The following TIGAR variants were observed in gnomAD, a reference collection of about 807,000 sequenced individuals.
The protein encoded by TIGAR is fructose-2,6-bisphosphatase TIGAR.
TIGAR carries 7 observed loss-of-function variants against 17.9 expected under a neutral mutation model. The observed-to-expected ratio is 0.39, with a 90% CI of 0.22 to 0.73. The LOEUF is 0.73. Among genes scored for constraint, TIGAR ranks in the 30% least tolerant of loss-of-function variants. TIGAR has a pLI of 0.42. For synonymous variants in TIGAR, 94 were observed against 108.6 expected (o/e 0.87, Z 0.84); for missense variants, 258 against 327.4 (o/e 0.79, Z 1.64).
At chr12:4,351,475 C>G in intron 5 of TIGAR, 98 bp downstream of exon 5, 1 of 871,512 alleles carries the variant, frequency 1.1e-6, no homozygotes, top group South Asian at 1.6e-5. Flanking sequence ...TTGGTTCATT[C>G]TCTTTTCCAT....
intron 5 of TIGAR, 152 bp from the exon 6 acceptor site, chr12:4,352,108 T>G (rs2120694677): frequency 3.0e-6 from 2 of 657,670 alleles, no homozygotes; most frequent in East Asian, 5.4e-5. Context: ...AACTACTGAT[T>G]GAACGAATAG....
intron 4 of TIGAR, among the ~76,000 whole-genome samples, chr12:4,350,508 G>A (rs941306779): frequency 6.6e-6 from 1 of 152,142 alleles, no homozygotes; most frequent in Non-Finnish European, 1.5e-5. Flanking sequence ...TGGCGTGGTG[G>A]CTTACGCTTG....
chr12:4,334,336 T>C (rs4026707), intron 2 of TIGAR, among the ~76,000 whole-genome samples: 78,376 of 151,940 alleles, frequency 0.52, 20,542 homozygotes, highest in East Asian at 0.71. Context: ...AGAGATAGAT[T>C]GAGAACACTT....
chr12:4,327,462 T>C (rs974129291), intron 1 of TIGAR, among the ~76,000 whole-genome samples: 12 of 151,712 alleles, frequency 7.9e-5, no homozygotes, highest in African/African-American at 2.7e-4. Context: ...GATAGCCTGA[T>C]TGGATACAGC....
In TIGAR at chr12:4,353,425, C is replaced by T. The variant is rs1390684799; in HGVS notation, c.*734C>T. ...CAAAAAAATGAAGAATATCCACTTG[C>T]TTCTTATCTAACCTGTAGGCTGAAG... On this transcript the variant is annotated 3_prime_UTR_variant, in exon 6 of 6. Transcript: ENST00000179259. The T allele has an allele frequency of 1.3e-5, 2 of 152,248 alleles. No homozygotes were observed. Among genetic ancestry groups the T allele is most frequent in the African/African-American group, 4.8e-5 (2 of 41,456 alleles). The allele number at this position is 152,248 out of a possible 1,614,324, so 9.4% of individuals were successfully genotyped here.
rs375369594 is a variant in TIGAR at position 4,352,358 on chromosome 12, C to G, written c.480C>G (p.Asn160Lys). 15 of 1,614,038 alleles carry G rather than the reference C, an allele frequency of 9.3e-6. No homozygotes were observed. Among genetic ancestry groups the G allele is most frequent in the Non-Finnish European group, 1.3e-5 (15 of 1,180,028 alleles). ...KEQFSQGSPS[N>K]CLETSLAEIF... ...AGTTTTCCCAAGGATCTCCAAGCAA[C>G]TGTCTGGAAACTTCTTTGGCAGAGA... Residue 160 changes from asparagine (N) to lysine (K), a missense_variant, in exon 6 of 6, where the codon AAC (asparagine) becomes AAG (lysine). By Grantham distance (94) the Asn-to-Lys change is moderately conservative. Coordinates refer to ENST00000179259, the MANE Select transcript of TIGAR (RefSeq NM_020375.3).
chr12:4,357,657 G>A lies in TIGAR; in HGVS notation c.*4966G>A, dbSNP rs1276456676. Among the ~76,000 whole-genome samples the A allele has an allele frequency of 1.3e-5, 2 of 152,114 alleles. No homozygotes were observed. The highest frequency in any genetic ancestry group is 2.4e-5 in the African/African-American group (1 of 41,426). ...AAAAACTTTAGGATTTCCCCCCACA[G>A]TTCTCAATCACTTGGTTCATTGTTC... On this transcript the variant is annotated 3_prime_UTR_variant, in exon 6 of 6. Transcript: ENST00000179259.
rs1412230974 is a variant in TIGAR at position 4,337,047 on chromosome 12, G to A, written c.79G>A (p.Val27Ile). The change falls in exon 3 of 6, where the codon GTA becomes ATA. Residue 27 changes from valine (V) to isoleucine (I), a missense_variant. Physicochemically the swap from Val to Ile is conservative, Grantham distance 29. Coordinates refer to ENST00000179259, the MANE Select transcript of TIGAR (RefSeq NM_020375.3). Reference sequence around the variant, plus strand: ...TTCTTAATATATCACAGGACAAGGAGTAGATGAACCTCTTTCAGAAACTGG... The same window carrying A: ...TTCTTAATATATCACAGGACAAGGAATAGATGAACCTCTTTCAGAAACTGG... Reference protein sequence around the residue: ...NKEKIIQGQGVDEPLSETGFK... With the variant: ...NKEKIIQGQGIDEPLSETGFK... The A allele has an allele frequency of 1.2e-6, 2 of 1,608,462 alleles. No homozygotes were observed. The highest frequency in any genetic ancestry group is 1.7e-6 in the Non-Finnish European group (2 of 1,175,252).
At position 4,321,424 on chromosome 12, in the gene TIGAR, GGCTTGGAAGC is replaced by G; in HGVS notation, c.32+126_32+135del. The G allele has an allele frequency of 6.9e-7, 1 of 1,444,468 alleles. No individual in the cohort carries two copies. The highest frequency in any genetic ancestry group is 9.4e-7 in the Non-Finnish European group (1 of 1,063,684). The allele number at this position is 1,444,468 out of a possible 1,614,324, so 89.5% of individuals were successfully genotyped here. A position where few individuals can be genotyped will look rare whatever the true frequency, so the allele number is the denominator to read the frequency against. On this transcript the variant is annotated intron_variant, in intron 1 of 5. Coordinates refer to ENST00000179259, the MANE Select transcript of TIGAR (RefSeq NM_020375.3). The surrounding 1 kb of genome is among the most constrained non-coding windows in gnomAD (Gnocchi z 5.2). ...CTGCTCGCTCCAGCCCGGGAGGGCT[GGCTTGGAAGC>G]GCTTTTTCCGGGGCGCTTGCCCTGG...
intron 1 of TIGAR, 53 bp from the exon 2 acceptor site, chr12:4,331,227 C>G: frequency 6.6e-7 from 1 of 1,525,288 alleles, no homozygotes; most frequent in Non-Finnish European, 9.1e-7. Flanking sequence ...TTTTCCTCCT[C>G]TCAAAAACAG....
intron 1 of TIGAR, chr12:4,324,385 A>G (rs1591658062): frequency 1.9e-6 from 2 of 1,080,482 alleles, no homozygotes; most frequent in South Asian, 1.3e-5. Context: ...CTTGAGGGGG[A>G]TGAAGCGGGA....
rs1436803134 is a variant in TIGAR, at chr12:4,352,559, G to C, written c.681G>C (p.Met227Ile). 2 of 1,613,868 alleles carry C rather than the reference G, an allele frequency of 1.2e-6. No individual in the cohort carries two copies. The highest frequency in any genetic ancestry group is 3.3e-5 in the Admixed American group (2 of 60,002). ...CCACTCTGAGCAGATCTGAACTTAT[G>C]TCAGTCACTCCCAATACAGGGATGA... Reference protein sequence around the residue: ...LPATLSRSELMSVTPNTGMSL... With the variant: ...LPATLSRSELISVTPNTGMSL... The change falls in exon 6 of 6, where the codon ATG (methionine) becomes ATC (isoleucine). Residue 227 changes from methionine to isoleucine, a missense_variant. Coordinates refer to ENST00000179259, the MANE Select transcript of TIGAR (RefSeq NM_020375.3).
rs867691303 is a variant in TIGAR, at chr12:4,355,393, T to C, written c.*2702T>C. Among the ~76,000 whole-genome samples the C allele has an allele frequency of 6.6e-6, 1 of 152,218 alleles. No homozygotes were observed. The highest frequency in any genetic ancestry group is 2.4e-5 in the African/African-American group (1 of 41,462). On this transcript the variant is annotated 3_prime_UTR_variant, in exon 6 of 6. Coordinates refer to ENST00000179259, the MANE Select transcript of TIGAR (RefSeq NM_020375.3). ...TTATCTGTGTATTTCCTTATCAGTGTCATACTTAGTTACTGTGGCTTTGCA... is the reference window on the plus strand; with the variant it reads ...TTATCTGTGTATTTCCTTATCAGTGCCATACTTAGTTACTGTGGCTTTGCA...
intron 4 of TIGAR, among the ~76,000 whole-genome samples, chr12:4,351,053 A>C (rs796372662): frequency 6.6e-6 from 1 of 152,328 alleles, no homozygotes; most frequent in African/African-American, 2.4e-5. Context: ...CCATTTGGAC[A>C]TAGTGTACAA....
chr12:4,352,542 A>G lies in TIGAR; in HGVS notation c.664A>G (p.Ser222Gly). The stretch of plus-strand genomic sequence containing the variant: ...TAAGTGTTCCTTACCAGCCACTCTG[A>G]GCAGATCTGAACTTATGTCAGTCAC... ...DLKCSLPATLSRSELMSVTPN... is the reference protein window; with the variant it reads ...DLKCSLPATLGRSELMSVTPN... Residue 222 changes from serine to glycine, a missense_variant, in exon 6 of 6, where the codon AGC becomes GGC. By Grantham distance (56) the Ser-to-Gly change is moderately conservative. Transcript: ENST00000179259. 6.2e-7 allele frequency: 1 copy of G among 1,614,108 alleles called. No homozygotes were observed.
At position 4,328,777 on chromosome 12, in the gene TIGAR, T is replaced by C. The variant is rs757783903; in HGVS notation, c.33-2503T>C. ...TTTTTATCAGAGACGGAGTTTCACC[T>C]TGTTGGCCAGGCTGGTCCCGAACTC... On this transcript the variant is annotated intron_variant, in intron 1 of 5. Transcript: ENST00000179259. Among the ~76,000 whole-genome samples the C allele has an allele frequency of 1.9e-4, 28 of 149,926 alleles. 1 individual carries two copies. Among genetic ancestry groups the C allele is most frequent in the Non-Finnish European group, 3.4e-4 (23 of 67,446 alleles).
At chr12:4,346,730 T>C (rs1019559877) in intron 3 of TIGAR, among the ~76,000 whole-genome samples, 38 of 151,942 alleles carry the variant, frequency 2.5e-4, no homozygotes, top group African/African-American at 8.7e-4. Flanking sequence ...GTCGTGCACA[T>C]GTACCCTAGA....
At chr12:4,345,772 A>G (rs1864772223) in intron 3 of TIGAR, among the ~76,000 whole-genome samples, 1 of 152,228 alleles carries the variant, frequency 6.6e-6, no homozygotes, top group South Asian at 2.1e-4. Context: ...ATCTAATTAA[A>G]CTAAAGAGCT....
chr12:4,334,235 A>C (rs1591661037), intron 2 of TIGAR, among the ~76,000 whole-genome samples: 1 of 152,214 alleles, frequency 6.6e-6, no homozygotes, highest in African/African-American at 2.4e-5. Context: ...GTGAATTCCA[A>C]GATCAGGGTG....
Sources: allele counts gnomAD v4.1 joint callset (sites outside exome capture counted in the v4.1 genomes callset), GRCh38; gene constraint gnomAD v4.1.1; non-coding constraint Gnocchi (gnomAD v3.1); transcripts MANE v1.5; gene names NCBI Gene and HGNC (gene_info 2026-07-23, HGNC 2026-07-21).